GTF2A1: variants seen among roughly 807,000 people sequenced by gnomAD.
GTF2A1 encodes the protein general transcription factor IIA subunit 1.
Under a neutral mutation model 54.1 loss-of-function variants are expected in GTF2A1, and 12 were observed. The ratio of observed to expected loss-of-function variants is 0.22; its 90% CI spans 0.14 to 0.36. GTF2A1 has a LOEUF of 0.36. GTF2A1 is among the 10% of genes least tolerant of loss of function. GTF2A1 has a pLI of 1.00. For synonymous variants in GTF2A1, 145 were observed against 152.0 expected (o/e 0.95, Z 0.34); for missense variants, 335 against 442.2 (o/e 0.76, Z 2.17).
chr14:81,204,716 C>G (rs1893192211), intron 2 of GTF2A1, among the ~76,000 whole-genome samples: 1 of 152,218 alleles, frequency 6.6e-6, no homozygotes, highest in South Asian at 2.1e-4. Context: ...GTCCTTCCTT[C>G]TTCCATTACG....
chr14:81,192,860 A>C, intron 6 of GTF2A1, 21 bp from the exon 7 acceptor site: 1 of 1,402,468 alleles, frequency 7.1e-7, no homozygotes, highest in East Asian at 2.3e-5. Flanking sequence ...AGAAAACCAC[A>C]TAACAGTAAC....
chr14:81,194,427 C>T (rs1316912676), intron 6 of GTF2A1, among the ~76,000 whole-genome samples: 1 of 152,178 alleles, frequency 6.6e-6, no homozygotes, highest in Non-Finnish European at 1.5e-5. Flanking sequence ...AGGGAGTTGC[C>T]AGACGGCATT....
chr14:81,197,033 T>C (rs999106747), intron 5 of GTF2A1, among the ~76,000 whole-genome samples: 1 of 152,204 alleles, frequency 6.6e-6, no homozygotes, highest in East Asian at 1.9e-4. Context: ...AATAATAGCA[T>C]ACAATAAATT....
At chr14:81,201,939 C>CA (rs1269401583) in intron 3 of GTF2A1, among the ~76,000 whole-genome samples, 2 of 152,092 alleles carry the variant, frequency 1.3e-5, no homozygotes, top group African/African-American at 4.8e-5. Context: ...GCGGGTGGAT[C>CA]ACTTGAGGTC....
chr14:81,192,866 G>C (rs992703570), intron 6 of GTF2A1, 27 bp from the exon 7 acceptor site: 6 of 1,301,284 alleles, frequency 4.6e-6, no homozygotes, highest in Non-Finnish European at 6.6e-6. Context: ...CCACATAACA[G>C]TAACTAGTTA....
chr14:81,187,789 CACAT>C (rs2140149920), intron 7 of GTF2A1, among the ~76,000 whole-genome samples: 1 of 152,320 alleles, frequency 6.6e-6, no homozygotes, highest in East Asian at 1.9e-4. Flanking sequence ...TATGAACAGT[CACAT>C]ACAAGTTTTT....
chr14:81,197,738 T>C (rs1319580740), intron 4 of GTF2A1, among the ~76,000 whole-genome samples: 2 of 152,100 alleles, frequency 1.3e-5, no homozygotes, highest in Admixed American at 6.5e-5. Context: ...TCTAAGTAAA[T>C]CTCACAGGTA....
intron 7 of GTF2A1, among the ~76,000 whole-genome samples, chr14:81,187,930 T>C (rs1892785571): frequency 1.3e-5 from 2 of 152,166 alleles, no homozygotes; most frequent in Admixed American, 6.6e-5. Flanking sequence ...TGTACCATTT[T>C]ACATTTCCAC....
chr14:81,193,268 G>A lies in GTF2A1; in HGVS notation c.613-429C>T, dbSNP rs560714398. On this transcript the variant is annotated intron_variant, in intron 6 of 8. Coordinates refer to ENST00000553612, the MANE Select transcript of GTF2A1 (RefSeq NM_015859.4). ...TGCAACCCCTGCCTCCTGGGTTCAA[G>A]CAATTCTCCCACCTCAGCCTCCTGA... 5.7e-3 allele frequency among the ~76,000 whole-genome samples: 857 copies of A among 151,566 alleles called. 8 individuals are homozygous for A. The highest frequency in any genetic ancestry group is 0.02 in the African/African-American group (822 of 41,252).
chr14:81,178,151 G>A lies in GTF2A1; in HGVS notation c.*2072C>T, dbSNP rs2019415526. On this transcript the variant is annotated 3_prime_UTR_variant, in exon 9 of 9. Transcript: ENST00000553612. ...TGTCTACATAGAGGGCCCAAGACAAGCTGAATATCATACAGTAATCCAAGT... is the reference window on the plus strand; with the variant it reads ...TGTCTACATAGAGGGCCCAAGACAAACTGAATATCATACAGTAATCCAAGT... 1 of 152,030 alleles carries A rather than the reference G, an allele frequency of 6.6e-6. No individual in the cohort carries two copies. The highest frequency in any genetic ancestry group is 6.6e-5 in the Admixed American group (1 of 15,266). 9.4% of individuals were successfully genotyped at this position (152,030 alleles called of 1,614,324 possible).
chr14:81,192,768 A>C lies in GTF2A1; in HGVS notation c.684T>G (p.Phe228Leu). 1.2e-6 allele frequency: 2 copies of C among 1,613,540 alleles called. No individual in the cohort carries two copies. Among genetic ancestry groups the C allele is most frequent in the Non-Finnish European group, 1.7e-6 (2 of 1,179,440 alleles). ...GTATAACTTGAGTCTTATTTCCTGT[A>C]AATAAGATTTGCTGAGGCTGGATGA... The part of the protein sequence containing the change: ...GVIIQPQQIL[F>L]TGNKTQVIPT... Residue 228 changes from phenylalanine (F) to leucine (L), a missense_variant, in exon 7 of 9, where the codon TTT becomes TTG. Phe to Leu is a conservative substitution (Grantham distance 22, BLOSUM62 0). Coordinates refer to ENST00000553612, the MANE Select transcript of GTF2A1 (RefSeq NM_015859.4).
In GTF2A1 at chr14:81,209,248, A is replaced by G. The variant is rs150530247; in HGVS notation, c.133-5144T>C. Among the ~76,000 whole-genome samples, 11 of 152,288 alleles carry G rather than the reference A, an allele frequency of 7.2e-5. No individual in the cohort carries two copies. In the East Asian group the frequency reaches 1.4e-3, roughly 19 times the overall value. On this transcript the variant is annotated intron_variant, in intron 2 of 8. Transcript: ENST00000553612. ...TCCCATACTATTCTTGTGATAGTGAATAAGTCTCACGAGATCTGATGGGTT... is the reference window on the plus strand; with the variant it reads ...TCCCATACTATTCTTGTGATAGTGAGTAAGTCTCACGAGATCTGATGGGTT...
At chr14:81,185,082 TTA>T (rs566160146) in intron 8 of GTF2A1, among the ~76,000 whole-genome samples, 11 of 152,210 alleles carry the variant, frequency 7.2e-5, no homozygotes, top group Middle Eastern at 3.4e-3. Context: ...CAGTAAAAAC[TTA>T]TGTTTGTTTT....
chr14:81,183,211 G>C (rs1892675226), intron 8 of GTF2A1, among the ~76,000 whole-genome samples: 3 of 152,158 alleles, frequency 2.0e-5, no homozygotes, highest in Admixed American at 2.0e-4. Flanking sequence ...ATCATAAACA[G>C]TATCTGTTGC....
intron 2 of GTF2A1, 111 bp downstream of exon 2, chr14:81,216,302 C>T (rs1191729774): frequency 3.3e-6 from 2 of 602,462 alleles, no homozygotes; most frequent in African/African-American, 3.8e-5. Flanking sequence ...AACCAGCACA[C>T]TTCACTCAAC....
chr14:81,191,544 G>C (rs1297595087), intron 7 of GTF2A1, among the ~76,000 whole-genome samples: 1 of 152,100 alleles, frequency 6.6e-6, no homozygotes, highest in African/African-American at 2.4e-5. Context: ...AAACCAACTT[G>C]CAGAAGAATA....
intron 4 of GTF2A1, 121 bp from the exon 5 acceptor site, chr14:81,197,605 G>T (rs1162606561): frequency 1.7e-6 from 1 of 577,308 alleles, no homozygotes; most frequent in African/African-American, 1.9e-5. Context: ...AAAAAATCTA[G>T]TAAGGCTAAA....
intron 3 of GTF2A1, chr14:81,202,916 T>TA (rs1280752883): frequency 2.5e-6 from 1 of 400,608 alleles, no homozygotes; most frequent in Non-Finnish European, 4.8e-6. Flanking sequence ...ATATCAACAG[T>TA]AAAATAACCC....
In GTF2A1 at chr14:81,199,229, C is replaced by T. The variant is rs1257923800; in HGVS notation, c.403-1745G>A. Among the ~76,000 whole-genome samples, 4 of 152,152 alleles carry T rather than the reference C, an allele frequency of 2.6e-5. 1 individual carries two copies. The highest frequency in any genetic ancestry group is 1.3e-4 in the Admixed American group (2 of 15,272). On this transcript the variant is annotated intron_variant, in intron 4 of 8. Coordinates refer to ENST00000553612, the MANE Select transcript of GTF2A1 (RefSeq NM_015859.4). ...CATAGTAGTTTCCATATAGAATACA[C>T]GACCCAATAACTACCTGCACACCCT...
Sources: gnomAD v4.1 joint callset for allele counts (sites outside exome capture counted in the v4.1 genomes callset) on GRCh38, gnomAD v4.1.1 for gene constraint, MANE v1.5 for transcripts, NCBI Gene and HGNC (gene_info 2026-07-23, HGNC 2026-07-21) for gene names.